CUL4A: variants seen among roughly 807,000 people sequenced by gnomAD.
The protein encoded by CUL4A is cullin 4A.
A neutral mutation model predicts 95.5 loss-of-function variants in CUL4A; 16 were observed. That is an observed-to-expected ratio of 0.17 (90% CI 0.11 to 0.25). CUL4A has a LOEUF of 0.25. CUL4A is among the 10% of genes least tolerant of loss of function. The pLI, the probability that CUL4A is intolerant of heterozygous loss-of-function variation, is 1.00. For synonymous variants in CUL4A, 380 were observed against 353.1 expected, an observed-to-expected ratio of 1.08 and a Z score of -0.85; for missense variants, 610 against 937.0, an observed-to-expected ratio of 0.65 and a Z score of 4.56.
chr13:113,229,075 C>T (rs561238289), intron 4 of CUL4A, among the ~76,000 whole-genome samples: 32 of 152,090 alleles, frequency 2.1e-4, no homozygotes, highest in African/African-American at 6.3e-4. Context: ...TTGCACATCA[C>T]GCCACCGCAC....
At chr13:113,210,125 C>A in intron 2 of CUL4A, 37 bp downstream of exon 2, 2 of 1,369,424 alleles carry the variant, frequency 1.5e-6, no homozygotes. Flanking sequence ...GCCGCTCCTG[C>A]CCCGCGTGAC....
intron 9 of CUL4A, among the ~76,000 whole-genome samples, chr13:113,237,574 T>C (rs2041587446): frequency 6.6e-6 from 1 of 152,162 alleles, no homozygotes; most frequent in African/African-American, 2.4e-5. Flanking sequence ...CTGAATTCTA[T>C]GAAAATTACA....
chr13:113,229,387 A>G, intron 4 of CUL4A, 59 bp from the exon 5 acceptor site: 1 of 1,445,792 alleles, frequency 6.9e-7, no homozygotes, highest in Non-Finnish European at 9.7e-7. Context: ...AAAAGGCCTG[A>G]TCTTTCATAT....
chr13:113,257,029 A>G (rs1312623061), intron 18 of CUL4A, among the ~76,000 whole-genome samples: 2 of 141,028 alleles, frequency 1.4e-5, no homozygotes, highest in Non-Finnish European at 3.0e-5. Context: ...GGTTCAAGCG[A>G]TTCTCCTGTC....
At chr13:113,235,021 A>G (rs373828029) in intron 7 of CUL4A, 42 bp from the exon 8 acceptor site, 425 of 1,405,182 alleles carry the variant, frequency 3.0e-4, no homozygotes, top group Non-Finnish European at 4.0e-4. Context: ...TAGTGTCGAC[A>G]TTCTTTTTGT....
At chr13:113,216,424 G>A (rs533971613) in intron 2 of CUL4A, among the ~76,000 whole-genome samples, 1 of 152,356 alleles carries the variant, frequency 6.6e-6, no homozygotes, top group East Asian at 1.9e-4. Context: ...TGCTAGTTAG[G>A]AAGTAGCTGT....
At chr13:113,244,616 C>A in intron 12 of CUL4A, 102 bp downstream of exon 12, 2 of 796,904 alleles carry the variant, frequency 2.5e-6, no homozygotes, top group Non-Finnish European at 4.2e-6. Flanking sequence ...ATCAGTAGAG[C>A]CAGTTTGCAT....
chr13:113,240,211 G>A (rs1297532477), intron 10 of CUL4A, among the ~76,000 whole-genome samples: 2 of 152,220 alleles, frequency 1.3e-5, no homozygotes, highest in Non-Finnish European at 2.9e-5. Flanking sequence ...ATTTGTTGAT[G>A]TCTGGAGACA....
chr13:113,217,710 T>G (rs1334069395), intron 2 of CUL4A, among the ~76,000 whole-genome samples: 1 of 152,212 alleles, frequency 6.6e-6, no homozygotes, highest in African/African-American at 2.4e-5. Context: ...ATTCAGATTA[T>G]TTATCTAAAG....
intron 4 of CUL4A, among the ~76,000 whole-genome samples, chr13:113,228,879 G>A (rs1318796020): frequency 6.6e-6 from 1 of 152,084 alleles, no homozygotes; most frequent in Non-Finnish European, 1.5e-5. Context: ...CCAGCTCTTT[G>A]GGAGGCCGAG....
chr13:113,253,538 AC>A (rs776603927), intron 16 of CUL4A, among the ~76,000 whole-genome samples: 31 of 152,280 alleles, frequency 2.0e-4, no homozygotes, highest in Middle Eastern at 6.8e-3. Flanking sequence ...CCACTTTTTG[AC>A]TAAGAGATTT....
At position 113,245,192 on chromosome 13, in the gene CUL4A, C is replaced by T. The variant is rs1182953427; in HGVS notation, c.1485C>T (p.Phe495=). 3 of 1,614,170 alleles carry T rather than the reference C, an allele frequency of 1.9e-6. No individual in the cohort carries two copies. Among genetic ancestry groups the T allele is most frequent in the Non-Finnish European group, 1.7e-6 (2 of 1,180,040 alleles). Residue 495 remains phenylalanine, a synonymous_variant, in exon 14 of 20, where the codon TTC becomes TTT. Transcript: ENST00000375440. ...AAFTSKLEGM[F]KDMELSKDIM... is the part of the protein sequence containing the mutation. ...TCACCAGCAAGCTGGAAGGCATGTTCAAGGACATGGAGCTTTCGAAGGACA... is the reference window on the plus strand; with the variant it reads ...TCACCAGCAAGCTGGAAGGCATGTTTAAGGACATGGAGCTTTCGAAGGACA...
At chr13:113,256,981 A>C (rs1034519125) in intron 18 of CUL4A, among the ~76,000 whole-genome samples, 3 of 117,230 alleles carry the variant, frequency 2.6e-5, no homozygotes, top group Non-Finnish European at 4.8e-5. Context: ...GCTGGAGTGC[A>C]GTGGTACAAT....
intron 3 of CUL4A, among the ~76,000 whole-genome samples, chr13:113,223,158 G>C (rs183468426): frequency 2.6e-5 from 4 of 152,146 alleles, no homozygotes; most frequent in Non-Finnish European, 5.9e-5. Flanking sequence ...AGCACTGTGC[G>C]TTGGGGACCA....
chr13:113,217,163 A>G (rs1346697187), intron 2 of CUL4A, among the ~76,000 whole-genome samples: 2 of 152,216 alleles, frequency 1.3e-5, no homozygotes, highest in African/African-American at 2.4e-5. Flanking sequence ...CATTTTCTTC[A>G]TGTGTTATAT....
intron 18 of CUL4A, 86 bp from the exon 19 acceptor site, chr13:113,260,521 G>C: frequency 8.0e-7 from 1 of 1,243,450 alleles, no homozygotes; most frequent in Non-Finnish European, 1.1e-6. Context: ...TTGCACTCTA[G>C]CCCAGGCAAC....
intron 2 of CUL4A, among the ~76,000 whole-genome samples, chr13:113,216,821 G>C (rs1432283915): frequency 6.6e-6 from 1 of 152,206 alleles, no homozygotes; most frequent in Non-Finnish European, 1.5e-5. Flanking sequence ...GAGAAACAAA[G>C]GCTGTCGCCT....
chr13:113,238,827 T>A (rs1040779674), intron 9 of CUL4A, among the ~76,000 whole-genome samples: 1 of 152,248 alleles, frequency 6.6e-6, no homozygotes, highest in Non-Finnish European at 1.5e-5. Flanking sequence ...CACCATTTTA[T>A]GCTTTAACCT....
chr13:113,239,521 G>A lies in CUL4A; in HGVS notation c.1005G>A (p.Ala335=), dbSNP rs138821614. The change falls in exon 10 of 20, where the codon GCG becomes GCA. Residue 335 remains alanine (A), a synonymous_variant. Coordinates refer to ENST00000375440, the MANE Select transcript of CUL4A (RefSeq NM_001008895.4). The part of the protein sequence containing the change: ...LFSRVRGGQQ[A]LLQHWSEYIK... ...GCCGGGTGAGGGGCGGGCAGCAGGC[G>A]CTGCTGCAGCACTGGAGCGAGTACA... 2,585 of 1,613,286 alleles carry A rather than the reference G, an allele frequency of 1.6e-3. 5 individuals carry two copies. Among genetic ancestry groups the A allele is most frequent in the Non-Finnish European group, 2.1e-3 (2,461 of 1,179,574 alleles).
Sources: gnomAD v4.1 joint callset for allele counts (sites outside exome capture counted in the v4.1 genomes callset) on GRCh38, gnomAD v4.1.1 for gene constraint, MANE v1.5 for transcripts, NCBI Gene and HGNC (gene_info 2026-07-23, HGNC 2026-07-21) for gene names.